Variants in RSRC1 observed in about 807,000 individuals in gnomAD.
RSRC1 encodes arginine and serine rich coiled-coil 1.
A neutral mutation model predicts 49.1 loss-of-function variants in RSRC1; 39 were observed. That is an observed-to-expected ratio of 0.79 (90% CI 0.61 to 1.04). The LOEUF is 1.04. Ranked by LOEUF, RSRC1 falls within the 50% of genes least tolerant of loss-of-function variation. The pLI, the probability that RSRC1 is intolerant of heterozygous loss-of-function variation, is 0.00. For missense variants in RSRC1, 388 were observed against 402.4 expected (o/e 0.96, Z 0.31); for synonymous variants, 143 against 130.8 (o/e 1.09, Z -0.63).
chr3:158,199,088 C>T (rs1177960759), intron 3 of RSRC1, among the ~76,000 whole-genome samples: 2 of 152,152 alleles, frequency 1.3e-5, no homozygotes, highest in Admixed American at 6.6e-5. Context: ...TCACGCTATT[C>T]TCATGATAGT....
intron 6 of RSRC1, among the ~76,000 whole-genome samples, chr3:158,386,995 T>G (rs1733002522): frequency 6.6e-6 from 1 of 152,096 alleles, no homozygotes; most frequent in Non-Finnish European, 1.5e-5. Flanking sequence ...ATACCATTTC[T>G]TGTTTTATAT....
chr3:158,163,760 T>TG (rs10685395), intron 3 of RSRC1, among the ~76,000 whole-genome samples: 78 of 21,312 alleles, frequency 3.7e-3, no homozygotes, highest in African/African-American at 7.2e-3. Flanking sequence ...TTTATAGCAA[T>TG]TTTTTTTTTT....
intron 6 of RSRC1, among the ~76,000 whole-genome samples, chr3:158,385,608 G>T (rs1560020415): frequency 1.3e-5 from 2 of 152,174 alleles, no homozygotes; most frequent in Non-Finnish European, 2.9e-5. Flanking sequence ...TACAGTTATT[G>T]AGAGAGTATT....
chr3:158,361,358 G>A (rs911315061), intron 6 of RSRC1, among the ~76,000 whole-genome samples: 2 of 152,180 alleles, frequency 1.3e-5, no homozygotes, highest in Non-Finnish European at 2.9e-5. Flanking sequence ...GTGGGCAAGA[G>A]CAGCGACATG....
intron 7 of RSRC1, among the ~76,000 whole-genome samples, chr3:158,527,493 C>A (rs1211934700): frequency 6.6e-6 from 1 of 151,720 alleles, no homozygotes; most frequent in Non-Finnish European, 1.5e-5. Context: ...CCTCTGGGTT[C>A]AATATTTATT....
At chr3:158,514,942 C>G (rs1176797107) in intron 7 of RSRC1, among the ~76,000 whole-genome samples, 3 of 151,924 alleles carry the variant, frequency 2.0e-5, no homozygotes, top group African/African-American at 7.3e-5. Context: ...ATTGCAACCC[C>G]TACCTTTTTT....
chr3:158,403,270 A>G (rs187904839), intron 6 of RSRC1, among the ~76,000 whole-genome samples: 137 of 152,000 alleles, frequency 9.0e-4, no homozygotes, highest in African/African-American at 2.9e-3. Flanking sequence ...CTGAGAAACT[A>G]TAAACTGATT....
chr3:158,456,633 G>A (rs1049204277), intron 6 of RSRC1, among the ~76,000 whole-genome samples: 3 of 152,132 alleles, frequency 2.0e-5, no homozygotes, highest in African/African-American at 7.2e-5. Flanking sequence ...ATTGGGGAAG[G>A]CTTCACAGAA....
chr3:158,326,852 C>T (rs527472816), intron 5 of RSRC1, among the ~76,000 whole-genome samples: 34 of 152,302 alleles, frequency 2.2e-4, no homozygotes, highest in Non-Finnish European at 4.6e-4. Flanking sequence ...GTGAATCCCT[C>T]TGGTCCTATA....
chr3:158,134,362 C>G (rs958843583), intron 3 of RSRC1, among the ~76,000 whole-genome samples: 4 of 152,012 alleles, frequency 2.6e-5, no homozygotes, highest in Non-Finnish European at 5.9e-5. Flanking sequence ...TAGATTATTT[C>G]AAAGATCATC....
chr3:158,244,437 A>G (rs1182045520), intron 4 of RSRC1, among the ~76,000 whole-genome samples: 2 of 152,134 alleles, frequency 1.3e-5, no homozygotes, highest in African/African-American at 4.8e-5. Context: ...TGCTTTGCAT[A>G]TGTTGAACCA....
intron 7 of RSRC1, among the ~76,000 whole-genome samples, chr3:158,517,051 C>T (rs974835828): frequency 9.2e-5 from 14 of 152,352 alleles, no homozygotes; most frequent in East Asian, 5.8e-4. Flanking sequence ...AGAAATCACC[C>T]GTCTTCTGCG....
At chr3:158,506,397 G>A (rs1271586965) in intron 7 of RSRC1, among the ~76,000 whole-genome samples, 1 of 151,788 alleles carries the variant, frequency 6.6e-6, no homozygotes, top group Non-Finnish European at 1.5e-5. Flanking sequence ...TCAATGTAGC[G>A]AAAAAATAAT....
intron 2 of RSRC1, among the ~76,000 whole-genome samples, chr3:158,123,085 C>T (rs1715388007): frequency 6.6e-6 from 1 of 152,180 alleles, no homozygotes; most frequent in Non-Finnish European, 1.5e-5. Flanking sequence ...GATCTCAGCT[C>T]ACTGCAGCCT....
chr3:158,345,362 A>G (rs1730493664), intron 5 of RSRC1, among the ~76,000 whole-genome samples: 1 of 152,174 alleles, frequency 6.6e-6, no homozygotes, highest in Non-Finnish European at 1.5e-5. Flanking sequence ...ATAATAAAGC[A>G]AGATCCAACT....
intron 3 of RSRC1, among the ~76,000 whole-genome samples, chr3:158,180,769 G>A (rs1315624143): frequency 7.0e-6 from 1 of 143,636 alleles, no homozygotes; most frequent in Non-Finnish European, 1.5e-5. Flanking sequence ...TGCTTAAAGA[G>A]TCCACAAAGA....
intron 4 of RSRC1, among the ~76,000 whole-genome samples, chr3:158,254,919 GT>G (rs1463684205): frequency 4.3e-4 from 66 of 152,106 alleles, no homozygotes; most frequent in Non-Finnish European, 4.7e-4. Context: ...GGGGTTGTTT[GT>G]TTTTTTCTTG....
chr3:158,299,107 T>A (rs1008763932), intron 5 of RSRC1, among the ~76,000 whole-genome samples: 3 of 152,120 alleles, frequency 2.0e-5, no homozygotes, highest in Non-Finnish European at 4.4e-5. Flanking sequence ...TATTTGGGGA[T>A]CAGAAGTTAG....
intron 6 of RSRC1, among the ~76,000 whole-genome samples, chr3:158,454,364 A>G (rs1389194138): frequency 6.6e-6 from 1 of 152,146 alleles, no homozygotes; most frequent in African/African-American, 2.4e-5. Flanking sequence ...AAATATATAC[A>G]CATGTACAAA....
Sources: gnomAD v4.1 joint callset for allele counts (sites outside exome capture counted in the v4.1 genomes callset) on GRCh38, gnomAD v4.1.1 for gene constraint, MANE v1.5 for transcripts, NCBI Gene and HGNC (gene_info 2026-07-23, HGNC 2026-07-21) for gene names.